CDH12: variants seen among roughly 807,000 people sequenced by gnomAD.
CDH12 encodes cadherin 12, also known as cadherin-12.
In CDH12, 41 loss-of-function variants were observed where a neutral mutation model predicts 74.1. The ratio of observed to expected loss-of-function variants is 0.55; its 90% CI spans 0.43 to 0.72. CDH12 has a LOEUF of 0.72. Among genes scored for constraint, CDH12 ranks in the 30% least tolerant of loss-of-function variants. CDH12 has a pLI of 0.00. For missense variants in CDH12, 945 were observed against 977.2 expected, an observed-to-expected ratio of 0.97 and a Z score of 0.44; for synonymous variants, 399 against 355.0, an observed-to-expected ratio of 1.12 and a Z score of -1.39.
chr5:21,849,072 A>G (rs1431546478), intron 7 of CDH12, among the ~76,000 whole-genome samples: 1 of 151,934 alleles, frequency 6.6e-6, no homozygotes, highest in Non-Finnish European at 1.5e-5. Flanking sequence ...CAATCTAATG[A>G]GTTATCATTC....
intron 3 of CDH12, among the ~76,000 whole-genome samples, chr5:22,273,288 A>G (rs1300171529): frequency 6.6e-6 from 1 of 152,208 alleles, no homozygotes; most frequent in Non-Finnish European, 1.5e-5. Context: ...AATTACCAAA[A>G]TATGACACAG....
rs558138933 is a variant in CDH12, at chr5:21,976,699, A to T, written c.232-1314T>A. Reference sequence around the variant, plus strand: ...TGTAACAGCTTTTTCCAGACAACAGATCACCCAAAAGAAAAATAAACTTTT... The same window carrying T: ...TGTAACAGCTTTTTCCAGACAACAGTTCACCCAAAAGAAAAATAAACTTTT... On this transcript the variant is annotated intron_variant, in intron 5 of 14. Transcript: ENST00000382254. Among the ~76,000 whole-genome samples, 159 of 152,078 alleles carry T rather than the reference A, an allele frequency of 1.0e-3. 2 individuals are homozygous for T. Among genetic ancestry groups the T allele is most frequent in the African/African-American group, 3.7e-3 (154 of 41,562 alleles).
intron 1 of CDH12, among the ~76,000 whole-genome samples, chr5:22,793,419 T>A (rs553831965): frequency 2.0e-4 from 30 of 152,344 alleles, no homozygotes; most frequent in South Asian, 8.3e-4. Context: ...AAGTTACCAC[T>A]TTAACTAGTT....
intron 1 of CDH12, among the ~76,000 whole-genome samples, chr5:22,790,867 C>T (rs1747872786): frequency 6.6e-6 from 1 of 152,086 alleles, no homozygotes; most frequent in African/African-American, 2.4e-5. Context: ...GTGGTTGGCA[C>T]AGAACAGTCA....
At chr5:22,216,645 T>C (rs1368955247) in intron 3 of CDH12, among the ~76,000 whole-genome samples, 2 of 151,982 alleles carry the variant, frequency 1.3e-5, no homozygotes, top group Non-Finnish European at 1.5e-5. Flanking sequence ...TCATGTATTA[T>C]ACATATTTCT....
At chr5:22,097,557 G>A (rs551986776) in intron 4 of CDH12, among the ~76,000 whole-genome samples, 14 of 151,888 alleles carry the variant, frequency 9.2e-5, no homozygotes, top group South Asian at 8.3e-4. Flanking sequence ...TCTTTTAAGC[G>A]CTCCTTTTTA....
At position 22,654,637 on chromosome 5, in the gene CDH12, TG is replaced by T. The variant is rs200414936; in HGVS notation, c.-522-149274del. ...TTTGTTTGTTTGCTTGTTTTTTTTT[TG>T]TTGTTGTTGTTGTTTTGAGACAGTT... On this transcript the variant is annotated intron_variant, in intron 1 of 14. Coordinates refer to ENST00000382254, the MANE Select transcript of CDH12 (RefSeq NM_004061.5). Among the ~76,000 whole-genome samples, 148 of 131,290 alleles carry T rather than the reference TG, an allele frequency of 1.1e-3. 1 individual carries two copies. The highest frequency in any genetic ancestry group is 7.3e-3 in the South Asian group (28 of 3,814). The allele number at this position is 131,290 out of a possible 152,430, so 86.1% of individuals were successfully genotyped here.
intron 2 of CDH12, among the ~76,000 whole-genome samples, chr5:22,482,845 G>A (rs184446557): frequency 5.1e-4 from 78 of 152,266 alleles, no homozygotes; most frequent in African/African-American, 1.7e-3. Flanking sequence ...CTTGGAAGAT[G>A]ATAAATTGAT....
intron 4 of CDH12, among the ~76,000 whole-genome samples, chr5:22,131,088 A>G (rs1046455267): frequency 1.3e-5 from 2 of 152,120 alleles, no homozygotes; most frequent in Admixed American, 6.6e-5. Flanking sequence ...TTTATCCATT[A>G]TAATTTTGAG....
chr5:21,975,850 A>G (rs1366397852), intron 5 of CDH12, among the ~76,000 whole-genome samples: 1 of 152,124 alleles, frequency 6.6e-6, no homozygotes, highest in Non-Finnish European at 1.5e-5. Flanking sequence ...ATAAAATGAA[A>G]TGCACAAAAC....
At chr5:22,135,561 A>G (rs1230281568) in intron 4 of CDH12, among the ~76,000 whole-genome samples, 1 of 152,122 alleles carries the variant, frequency 6.6e-6, no homozygotes, top group Non-Finnish European at 1.5e-5. Flanking sequence ...AGGAATCTCT[A>G]AATTTAACAT....
intron 2 of CDH12, among the ~76,000 whole-genome samples, chr5:22,490,140 C>T (rs1746799249): frequency 1.3e-5 from 2 of 152,128 alleles, no homozygotes; most frequent in African/African-American, 4.8e-5. Flanking sequence ...ATATTGTTTT[C>T]ACCTTTTCCT....
chr5:22,263,803 A>C (rs1283346100), intron 3 of CDH12, among the ~76,000 whole-genome samples: 1 of 152,058 alleles, frequency 6.6e-6, no homozygotes, highest in East Asian at 1.9e-4. Context: ...TATGAACTCT[A>C]CTTTATACAC....
At chr5:22,460,713 ATTTTTTTTTTTT>A (rs3039460) in intron 2 of CDH12, among the ~76,000 whole-genome samples, 2 of 85,622 alleles carry the variant, frequency 2.3e-5, no homozygotes, top group African/African-American at 1.0e-4. Context: ...ATATCTAGCA[ATTTTTTTTTTTT>A]TTTTTTTTTT....
At chr5:22,638,734 A>T (rs1466064818) in intron 1 of CDH12, 1 of 152,230 alleles carries the variant, frequency 6.6e-6, no homozygotes, top group African/African-American at 2.4e-5. Context: ...TTACACAAGG[A>T]CAGGCTGTGA....
In CDH12 at chr5:22,108,546, T is replaced by C. The variant is rs371115272; in HGVS notation, c.-186-29684A>G. 1.8e-4 allele frequency among the ~76,000 whole-genome samples: 28 copies of C among 152,322 alleles called. 1 individual carries two copies. In the East Asian group the frequency reaches 5.2e-3, roughly 28 times the overall value. The stretch of plus-strand genomic sequence containing the variant: ...GAAGAGGGATGAAGATAAAATACCA[T>C]AAGGAATCAGAATTGTGGCATCTTG... On this transcript the variant is annotated intron_variant, in intron 4 of 14. Transcript: ENST00000382254.
At chr5:21,928,138 T>A (rs1281626608) in intron 6 of CDH12, among the ~76,000 whole-genome samples, 4 of 152,052 alleles carry the variant, frequency 2.6e-5, no homozygotes, top group African/African-American at 9.7e-5. Context: ...ATGAAAACAT[T>A]TGACTATGAC....
chr5:22,675,870 C>CATATATATATATATATATATATATAT (rs144687047), intron 1 of CDH12, among the ~76,000 whole-genome samples: 11,115 of 89,800 alleles, frequency 0.12, 1,802 homozygotes, highest in Admixed American at 0.15. Context: ...TTTTGTATCT[C>CATATATATATATATATATATATATAT]ATATATATAT....
chr5:22,384,024 T>C (rs1741883131), intron 3 of CDH12, among the ~76,000 whole-genome samples: 1 of 152,172 alleles, frequency 6.6e-6, no homozygotes, highest in Non-Finnish European at 1.5e-5. Context: ...AAATGGGTTT[T>C]GCTAGATTTA....
Sources: allele counts gnomAD v4.1 joint callset (sites outside exome capture counted in the v4.1 genomes callset), GRCh38; gene constraint gnomAD v4.1.1; transcripts MANE v1.5; gene names NCBI Gene and HGNC (gene_info 2026-07-23, HGNC 2026-07-21).